F2: variants seen among roughly 807,000 people sequenced by gnomAD.
The protein encoded by F2 is prothrombin.
Under a neutral mutation model 81.9 loss-of-function variants are expected in F2, and 34 were observed. That is an observed-to-expected ratio of 0.42 (90% CI 0.32 to 0.55). The LOEUF (loss-of-function observed/expected upper bound fraction) is 0.55, where lower values mean the gene tolerates loss of function less well. F2 is among the 20% of genes least tolerant of loss of function. The pLI is 0.18. For missense variants in F2, 630 were observed against 833.4 expected (o/e 0.76, Z 3.00); for synonymous variants, 296 against 326.4 (o/e 0.91, Z 1.01).
chr11:46,728,709 C>T lies in F2; in HGVS notation c.1344C>T (p.Tyr448=). The change falls in exon 11 of 14, where the codon TAC becomes TAT. Residue 448 remains tyrosine, a synonymous_variant. Transcript: ENST00000311907. The surrounding 1 kb of genome is among the most constrained non-coding windows in gnomAD (Gnocchi z 5.1). ...IEKISMLEKI[Y]IHPRYNWREN... ...AGATATCCATGTTGGAAAAGATCTA[C>T]ATCCACCCCAGGTACAACTGGCGGG... The T allele has an allele frequency of 6.2e-7, 1 of 1,614,256 alleles. No homozygotes were observed. Among genetic ancestry groups the T allele is most frequent in the Non-Finnish European group, 8.5e-7 (1 of 1,180,052 alleles).
intron 12 of F2, among the ~76,000 whole-genome samples, chr11:46,730,664 A>C (rs970262152): frequency 1.3e-5 from 2 of 152,042 alleles, no homozygotes; most frequent in African/African-American, 4.8e-5. Flanking sequence ...CTGACTTTAA[A>C]AGTAAAAAAT....
rs78661894 is a variant in F2, at chr11:46,724,312, G to A, written c.559+794G>A. On this transcript the variant is annotated intron_variant, in intron 6 of 13. Coordinates refer to ENST00000311907, the MANE Select transcript of F2 (RefSeq NM_000506.5). ...CAGGTGTGGCTGCACTCGCTAATGC[G>A]TCTGTAGGGTCAACTGACGGAGGTT... is the stretch of plus-strand genomic sequence containing the variant. Among the ~76,000 whole-genome samples the A allele has an allele frequency of 2.6e-3, 397 of 152,248 alleles. 3 individuals carry two copies. The highest frequency in any genetic ancestry group is 9.2e-3 in the African/African-American group (382 of 41,552).
At position 46,726,651 on chromosome 11, in the gene F2, A is replaced by ATGCGGGGC. The variant is rs751944850; in HGVS notation, c.1003+36_1004-42dup. The ATGCGGGGC allele has an allele frequency of 2.2e-4, 354 of 1,613,420 alleles. No individual in the cohort carries two copies. Among genetic ancestry groups the ATGCGGGGC allele is most frequent in the Admixed American group, 2.8e-4 (17 of 59,996 alleles). ...GGTGAGGTAGTGGGCATCCGAGGGG[A>ATGCGGGGC]TGCGGGGCTGCGGGGCTGGTGGCCA... On this transcript the variant is annotated intron_variant, in intron 8 of 13. Transcript: ENST00000311907. The surrounding 1 kb of genome is among the most constrained non-coding windows in gnomAD (Gnocchi z 5.9).
At position 46,726,517 on chromosome 11, in the gene F2, G is replaced by T; in HGVS notation, c.894G>T (p.Glu298Asp). Reference protein sequence around the residue: ...LNYCEEAVEEETGDGLDEDSD... With the variant: ...LNYCEEAVEEDTGDGLDEDSD... ...CAACAGAGGAGGCCGTGGAGGAGGA[G>T]ACAGGAGATGGGCTGGATGAGGACT... The change falls in exon 8 of 14, where the codon GAG (glutamate) becomes GAT (aspartate). Residue 298 changes from glutamate (E) to aspartate (D), a missense_variant. By Grantham distance (45) the Glu-to-Asp change is conservative. Coordinates refer to ENST00000311907, the MANE Select transcript of F2 (RefSeq NM_000506.5). This position sits in a 1 kb window ranked among gnomAD's most constrained non-coding sequence, Gnocchi z 5.9. 1 of 1,613,970 alleles carries T rather than the reference G, an allele frequency of 6.2e-7. No individual in the cohort carries two copies. The highest frequency in any genetic ancestry group is 8.5e-7 in the Non-Finnish European group (1 of 1,179,892).
chr11:46,724,779 T>TC (rs397734782), intron 6 of F2, among the ~76,000 whole-genome samples: 1 of 151,716 alleles, frequency 6.6e-6, no homozygotes, highest in Non-Finnish European at 1.5e-5. Flanking sequence ...TTTTTTTTTT[T>TC]CTTTCTAAGA....
chr11:46,719,802 C>T lies in F2; in HGVS notation c.180C>T (p.Cys60=), dbSNP rs374353447. The change falls in exon 2 of 14, where the codon TGC becomes TGT. Residue 60 remains cysteine, a synonymous_variant. Coordinates refer to ENST00000311907, the MANE Select transcript of F2 (RefSeq NM_000506.5). This position sits in a 1 kb window ranked among gnomAD's most constrained non-coding sequence, Gnocchi z 4.7. ...EVRKGNLERE[C]VEETCSYEEA... Reference sequence around the variant, plus strand: ...GCAAGGGCAACCTGGAGCGAGAGTGCGTGGAGGAGACGTGCAGCTACGAGG... The same window carrying T: ...GCAAGGGCAACCTGGAGCGAGAGTGTGTGGAGGAGACGTGCAGCTACGAGG... The T allele has an allele frequency of 1.5e-5, 24 of 1,594,020 alleles. No homozygotes were observed. The highest frequency in any genetic ancestry group is 1.8e-5 in the Non-Finnish European group (21 of 1,171,206).
chr11:46,720,564 A>G lies in F2; in HGVS notation c.265+17A>G. 1 of 1,613,946 alleles carries G rather than the reference A, an allele frequency of 6.2e-7. No homozygotes were observed. Among genetic ancestry groups the G allele is most frequent in the Non-Finnish European group, 8.5e-7 (1 of 1,179,974 alleles). ...AGTACACAGGTGAGCACCGGGAAGG[A>G]TTTGCCCCAGGAAGGGAGGCCTGGG... On this transcript the variant is annotated intron_variant, in intron 3 of 13. Coordinates refer to ENST00000311907, the MANE Select transcript of F2 (RefSeq NM_000506.5).
rs557724307 is a variant in F2, at chr11:46,727,315, C to G, written c.1130+478C>G. Among the ~76,000 whole-genome samples the G allele has an allele frequency of 3.3e-5, 5 of 152,324 alleles. No individual in the cohort carries two copies. In the South Asian group the frequency reaches 1.0e-3, roughly 32 times the overall value. Reference sequence around the variant, plus strand: ...GGGATTACAGGCATGAGCCACCACACCCGGCCCATGGGTCCTTTACTTCTA... The same window carrying G: ...GGGATTACAGGCATGAGCCACCACAGCCGGCCCATGGGTCCTTTACTTCTA... On this transcript the variant is annotated intron_variant, in intron 9 of 13. Transcript: ENST00000311907.
intron 12 of F2, among the ~76,000 whole-genome samples, chr11:46,736,968 G>A (rs1439145720): frequency 3.9e-5 from 6 of 152,034 alleles, no homozygotes; most frequent in African/African-American, 1.4e-4. Context: ...ATTTGCTCAA[G>A]TCTATTATTG....
chr11:46,719,353 T>TG lies in F2; in HGVS notation c.79+43dup. ...TGCAGGCTGGAACAGGCTGGAGGAC[T>TG]GGGGTGTGGGCCCATGGGCTGGGGT... On this transcript the variant is annotated intron_variant, in intron 1 of 13. Transcript: ENST00000311907. This position sits in a 1 kb window ranked among gnomAD's most constrained non-coding sequence, Gnocchi z 4.7. The TG allele has an allele frequency of 2.5e-6, 4 of 1,593,732 alleles. No individual in the cohort carries two copies. The highest frequency in any genetic ancestry group is 3.4e-6 in the Non-Finnish European group (4 of 1,169,556).
At chr11:46,731,168 C>T (rs999459072) in intron 12 of F2, among the ~76,000 whole-genome samples, 12 of 151,862 alleles carry the variant, frequency 7.9e-5, no homozygotes, top group South Asian at 2.1e-4. Context: ...CCACCTGCCT[C>T]GGCCTCCCAA....
chr11:46,723,607 C>A lies in F2; in HGVS notation c.559+89C>A. 6.7e-7 allele frequency: 1 copy of A among 1,488,632 alleles called. No individual in the cohort carries two copies. Among genetic ancestry groups the A allele is most frequent in the Non-Finnish European group, 9.1e-7 (1 of 1,096,146 alleles). 92.2% of individuals were successfully genotyped at this position (1,488,632 alleles called of 1,614,324 possible). On this transcript the variant is annotated intron_variant, in intron 6 of 13. Transcript: ENST00000311907. This position sits in a 1 kb window ranked among gnomAD's most constrained non-coding sequence, Gnocchi z 5.6. ...CTGGGATGGGAACCAAGAATACTGG[C>A]TACCCAGGCACAGTGGCTCATGCCC...
Position 46,728,082 on chromosome 11 carries a change from A to G in F2, c.1217A>G (p.His406Arg), listed in dbSNP as rs1455011874. The G allele has an allele frequency of 1.2e-6, 2 of 1,610,842 alleles. No individual in the cohort carries two copies. The highest frequency in any genetic ancestry group is 8.5e-7 in the Non-Finnish European group (1 of 1,178,952). ...GACCGCTGGGTCCTCACCGCCGCCCACTGCCTCCTGTACCCGCCCTGGGAC... is the reference window on the plus strand; with the variant it reads ...GACCGCTGGGTCCTCACCGCCGCCCGCTGCCTCCTGTACCCGCCCTGGGAC... ...ISDRWVLTAA[H>R]CLLYPPWDKN... Residue 406 changes from histidine to arginine, a missense_variant, in exon 10 of 14, where the codon CAC becomes CGC. Coordinates refer to ENST00000311907, the MANE Select transcript of F2 (RefSeq NM_000506.5). This position sits in a 1 kb window ranked among gnomAD's most constrained non-coding sequence, Gnocchi z 5.1.
intron 12 of F2, among the ~76,000 whole-genome samples, chr11:46,733,936 G>A (rs2064928519): frequency 6.6e-6 from 1 of 151,484 alleles, no homozygotes; most frequent in Admixed American, 6.6e-5. Context: ...CTCCAGGCGC[G>A]AGTCACCATG....
In F2 at chr11:46,728,872, A is replaced by C. The variant is rs1193811227; in HGVS notation, c.1472+35A>C. The C allele has an allele frequency of 7.4e-6, 12 of 1,610,900 alleles. No individual in the cohort carries two copies. The highest frequency in any genetic ancestry group is 1.0e-5 in the Non-Finnish European group (12 of 1,179,118). On this transcript the variant is annotated intron_variant, in intron 11 of 13. Coordinates refer to ENST00000311907, the MANE Select transcript of F2 (RefSeq NM_000506.5). This position sits in a 1 kb window ranked among gnomAD's most constrained non-coding sequence, Gnocchi z 5.1. Reference sequence around the variant, plus strand: ...CAGATGCTTGTTAGCTGAGGGGCAGAAGCCAAGTTCTGGGCCTGGCTCTGA... The same window carrying C: ...CAGATGCTTGTTAGCTGAGGGGCAGCAGCCAAGTTCTGGGCCTGGCTCTGA...
Position 46,723,656 on chromosome 11 carries a change from T to G in F2, c.559+138T>G. 8.8e-7 allele frequency: 1 copy of G among 1,142,258 alleles called. No homozygotes were observed. The highest frequency in any genetic ancestry group is 1.2e-6 in the Non-Finnish European group (1 of 808,122). 70.8% of individuals were successfully genotyped at this position (1,142,258 alleles called of 1,614,324 possible). A position where few individuals can be genotyped will look rare whatever the true frequency, so the allele number is the denominator to read the frequency against. ...CCGTAATCCCAGCACTTTGGGAGGC[T>G]GAGGCAGGCAGATCACCTGAGGTCA... is the stretch of plus-strand genomic sequence containing the variant. On this transcript the variant is annotated intron_variant, in intron 6 of 13. Coordinates refer to ENST00000311907, the MANE Select transcript of F2 (RefSeq NM_000506.5). The surrounding 1 kb of genome is among the most constrained non-coding windows in gnomAD (Gnocchi z 5.6).
intron 4 of F2, among the ~76,000 whole-genome samples, chr11:46,722,506 TG>T (rs1226801456): frequency 6.6e-6 from 1 of 152,158 alleles, no homozygotes. Context: ...GAGAATTTCT[TG>T]AATCTGGGAG....
chr11:46,737,151 C>A (rs934260653), intron 12 of F2, among the ~76,000 whole-genome samples: 1 of 151,128 alleles, frequency 6.6e-6, no homozygotes, highest in Admixed American at 6.6e-5. Context: ...TATTATTTTT[C>A]TTTTTTTTGA....
rs966821213 is a variant in F2 at position 46,723,981 on chromosome 11, CAG to C, written c.559+464_559+465del. 6.6e-6 allele frequency among the ~76,000 whole-genome samples: 1 copy of C among 152,128 alleles called. No homozygotes were observed. Among genetic ancestry groups the C allele is most frequent in the Non-Finnish European group, 1.5e-5 (1 of 68,016 alleles). On this transcript the variant is annotated intron_variant, in intron 6 of 13. Transcript: ENST00000311907. This position sits in a 1 kb window ranked among gnomAD's most constrained non-coding sequence, Gnocchi z 5.6. Reference sequence around the variant, plus strand: ...CTATTGCTCAGTAAAGTCAGGGAATCAGGGGATCTGAGTGGGGGGATCTGCCA... The same window carrying C: ...CTATTGCTCAGTAAAGTCAGGGAATCGGGATCTGAGTGGGGGGATCTGCCA...
Sources: gnomAD v4.1 joint callset for allele counts (sites outside exome capture counted in the v4.1 genomes callset) on GRCh38, gnomAD v4.1.1 for gene constraint, Gnocchi (gnomAD v3.1) non-coding constraint, MANE v1.5 for transcripts, NCBI Gene and HGNC (gene_info 2026-07-23, HGNC 2026-07-21) for gene names.